The following PCNA variants were observed in gnomAD, a reference collection of about 807,000 sequenced individuals.
PCNA encodes the protein proliferating cell nuclear antigen.
Under a neutral mutation model 27.8 loss-of-function variants are expected in PCNA, and 4 were observed. That is an observed-to-expected ratio of 0.14 (90% confidence interval 0.07 to 0.33). The LOEUF is 0.33. Among genes scored for constraint, PCNA ranks in the 10% least tolerant of loss-of-function variants. The pLI is 1.00. For missense variants in PCNA, 165 were observed against 327.4 expected (o/e 0.50, Z 3.83); for synonymous variants, 121 against 119.4 (o/e 1.01, Z -0.09).
chr20:5,124,836 C>CATTTTAGG (rs11471638), upstream of PCNA, among the ~76,000 whole-genome samples: 23,671 of 152,010 alleles, frequency 0.16, 2,588 homozygotes, highest in African/African-American at 0.31. Flanking sequence ...GTTCAGACCA[C>CATTTTAGG]ATGTTATCCA....
At chr20:5,118,980 T>C in intron 1 of PCNA, 114 bp from the exon 2 acceptor site, 2 of 709,176 alleles carry the variant, frequency 2.8e-6, no homozygotes, top group South Asian at 3.4e-5. Context: ...TCAGAACTGG[T>C]GGAGGGTAAG....
chr20:5,117,686 CAA>C (rs1292456773), intron 3 of PCNA, 22 bp from the exon 4 acceptor site: 1 of 1,491,580 alleles, frequency 6.7e-7, no homozygotes, highest in Non-Finnish European at 9.0e-7. Context: ...AAAAATTTTC[CAA>C]AAGTTAATTG....
chr20:5,123,423 A>C, upstream of PCNA, among the ~76,000 whole-genome samples: 1 of 152,164 alleles, frequency 6.6e-6, no homozygotes, highest in East Asian at 1.9e-4. Flanking sequence ...GGATGGGCGC[A>C]GTGGCTCATG....
chr20:5,123,035 C>G (rs1362217398), upstream of PCNA, among the ~76,000 whole-genome samples: 1 of 152,190 alleles, frequency 6.6e-6, no homozygotes, highest in Non-Finnish European at 1.5e-5. Context: ...AGCATCTTAT[C>G]AGAGAAGACA....
chr20:5,125,550 T>C (rs2090542131), intron 1 of PCNA, among the ~76,000 whole-genome samples: 2 of 152,126 alleles, frequency 1.3e-5, no homozygotes, highest in South Asian at 4.1e-4. Flanking sequence ...TGCAATTCTT[T>C]TGTGTGCAAG....
In PCNA at chr20:5,117,556, C is replaced by T. The variant is rs2090483818; in HGVS notation, c.496G>A (p.Gly166Arg). 1.9e-6 allele frequency: 3 copies of T among 1,613,846 alleles called. No individual in the cohort carries two copies. Among genetic ancestry groups the T allele is most frequent in the South Asian group, 2.2e-5 (2 of 91,076 alleles). The change falls in exon 4 of 6, where the codon GGA (glycine) becomes AGA (arginine). Residue 166 changes from glycine to arginine, a missense_variant. Coordinates refer to ENST00000379143, the MANE Select transcript of PCNA (RefSeq NM_182649.2). Reference sequence around the variant, plus strand: ...TCTCCACTTGCAGAAAATTTCACTCCGTCTTTTGCACAGGAAATTACAACA... The same window carrying T: ...TCTCCACTTGCAGAAAATTTCACTCTGTCTTTTGCACAGGAAATTACAACA... Reference protein sequence around the residue: ...DAVVISCAKDGVKFSASGELG... With the variant: ...DAVVISCAKDRVKFSASGELG...
chr20:5,115,615 T>C (rs1230588191), intron 4 of PCNA, 43 bp from the exon 5 acceptor site: 3 of 1,532,150 alleles, frequency 2.0e-6, no homozygotes, highest in Admixed American at 3.4e-5. Flanking sequence ...TCAAGAAAGT[T>C]GCAATCTATT....
At chr20:5,120,364 A>G (rs1370501528), upstream of PCNA, among the ~76,000 whole-genome samples, 1 of 152,216 alleles carries the variant, frequency 6.6e-6, no homozygotes, top group African/African-American at 2.4e-5. Context: ...AGCTGCTGCA[A>G]ATATGCACTT....
chr20:5,119,646 G>A lies in PCNA; in HGVS notation c.153C>T (p.Thr51=), dbSNP rs144196777. ...DSSHVSLVQL[T]LRSEGFDTYR... is the part of the protein sequence containing the mutation. ...AGGTGTCGAAGCCCTCAGACCGCAG[G>A]GTGAGCTGCACCAAAGAGACGTGGG... The change falls in exon 1 of 6, where the codon ACC becomes ACT. Residue 51 remains threonine, a synonymous_variant. Transcript: ENST00000379143. 6.2e-7 allele frequency: 1 copy of A among 1,613,734 alleles called. No individual in the cohort carries two copies. Among genetic ancestry groups the A allele is most frequent in the South Asian group, 1.1e-5 (1 of 90,966 alleles).
intron 1 of PCNA, 122 bp downstream of exon 1, chr20:5,119,456 A>G: frequency 1.3e-6 from 1 of 766,200 alleles, no homozygotes; most frequent in Non-Finnish European, 2.1e-6. Flanking sequence ...ACTGCGTGGC[A>G]GGCCAATGAG....
At position 5,119,631 on chromosome 20, in the gene PCNA, G is replaced by A; in HGVS notation, c.168C>T (p.Gly56=). 6.2e-7 allele frequency: 1 copy of A among 1,613,850 alleles called. No individual in the cohort carries two copies. The highest frequency in any genetic ancestry group is 8.5e-7 in the Non-Finnish European group (1 of 1,179,970). Residue 56 remains glycine, a synonymous_variant, in exon 1 of 6, where the codon GGC becomes GGT. Transcript: ENST00000379143. Reference sequence around the variant, plus strand: ...TGCGGTCGCAGCGGTAGGTGTCGAAGCCCTCAGACCGCAGGGTGAGCTGCA... The same window carrying A: ...TGCGGTCGCAGCGGTAGGTGTCGAAACCCTCAGACCGCAGGGTGAGCTGCA... ...SLVQLTLRSE[G]FDTYRCDRNL...
upstream of PCNA, among the ~76,000 whole-genome samples, chr20:5,123,114 T>C (rs1303456314): frequency 6.6e-6 from 1 of 152,150 alleles, no homozygotes; most frequent in African/African-American, 2.4e-5. Flanking sequence ...GTCAGCATAC[T>C]TGGAATATAT....
chr20:5,125,457 A>T lies in PCNA; in HGVS notation c.-117+1043T>A, dbSNP rs115415219. On this transcript the variant is annotated intron_variant, in intron 1 of 6. Coordinates refer to the PCNA transcript ENST00000379160. ...GGCAACATAGTGAGACCCTGTCTCT[A>T]AAAAAAGGAGAAATAAATTAATTAA... Among the ~76,000 whole-genome samples, 940 of 152,278 alleles carry T rather than the reference A, an allele frequency of 6.2e-3. 10 individuals are homozygous for T. Among genetic ancestry groups the T allele is most frequent in the African/African-American group, 0.021 (882 of 41,544 alleles).
rs1226077539 is a variant in PCNA, at chr20:5,115,245, A to G, written c.*38T>C. ...TGCTGGCATCTTAGAAGCAGTTCTCAAAGAGCTTAGTTTTATTTTCTTGAA... is the reference window on the plus strand; with the variant it reads ...TGCTGGCATCTTAGAAGCAGTTCTCGAAGAGCTTAGTTTTATTTTCTTGAA... On this transcript the variant is annotated 3_prime_UTR_variant, in exon 6 of 6. Coordinates refer to ENST00000379143, the MANE Select transcript of PCNA (RefSeq NM_182649.2). 3 of 1,522,000 alleles carry G rather than the reference A, an allele frequency of 2.0e-6. No individual in the cohort carries two copies. Among genetic ancestry groups the G allele is most frequent in the Non-Finnish European group, 2.7e-6 (3 of 1,098,400 alleles). 94.3% of individuals were successfully genotyped at this position (1,522,000 alleles called of 1,614,324 possible). A position where few individuals can be genotyped will look rare whatever the true frequency, so the allele number is the denominator to read the frequency against.
chr20:5,115,387 T>C, intron 5 of PCNA, 25 bp from the exon 6 acceptor site: 1 of 1,613,550 alleles, frequency 6.2e-7, no homozygotes, highest in Non-Finnish European at 8.5e-7. Context: ...GATGGTTAAT[T>C]ACTGAGGAGT....
intron 4 of PCNA, among the ~76,000 whole-genome samples, chr20:5,117,090 C>T (rs1046575626): frequency 1.3e-5 from 2 of 152,220 alleles, no homozygotes; most frequent in African/African-American, 4.8e-5. Context: ...GTGCTCCAAA[C>T]AGGTAGACTT....
Position 5,117,680 on chromosome 20 carries a change from A to AT in PCNA, c.388-17dup, listed in dbSNP as rs774403631. On this transcript the variant is annotated splice_polypyrimidine_tract_variant and intron_variant, in intron 3 of 5. Coordinates refer to ENST00000379143, the MANE Select transcript of PCNA (RefSeq NM_182649.2). ...ACTCCTGTTCCTATTAAGAACAAAA[A>AT]TTTTCCAAAAGTTAATTGTTAGAAA... is the stretch of plus-strand genomic sequence containing the variant. The AT allele has an allele frequency of 6.6e-6, 10 of 1,509,326 alleles. No individual in the cohort carries two copies. The highest frequency in any genetic ancestry group is 2.2e-5 in the Admixed American group (1 of 45,372). The allele number at this position is 1,509,326 out of a possible 1,614,324, so 93.5% of individuals were successfully genotyped here. A position where few individuals can be genotyped will look rare whatever the true frequency, so the allele number is the denominator to read the frequency against.
intron 1 of PCNA, 108 bp downstream of exon 1, chr20:5,119,470 G>T: frequency 1.1e-6 from 1 of 875,150 alleles, no homozygotes; most frequent in Non-Finnish European, 1.7e-6. Context: ...CAATGAGAAG[G>T]CGCGGATGGC....
upstream of PCNA, among the ~76,000 whole-genome samples, chr20:5,122,886 T>C (rs2090525870): frequency 6.6e-6 from 1 of 152,268 alleles, no homozygotes; most frequent in African/African-American, 2.4e-5. Context: ...TGTTTATTTC[T>C]GCTCTATTAC....
Sources: allele counts gnomAD v4.1 joint callset (sites outside exome capture counted in the v4.1 genomes callset), GRCh38; gene constraint gnomAD v4.1.1; transcripts MANE v1.5; gene names NCBI Gene and HGNC (gene_info 2026-07-23, HGNC 2026-07-21).